STX18: variants seen among roughly 807,000 people sequenced by gnomAD.
The protein encoded by STX18 is syntaxin 18, also known as syntaxin-18.
A neutral mutation model predicts 50.1 loss-of-function variants in STX18; 40 were observed. That is an observed-to-expected ratio of 0.80 (90% CI 0.62 to 1.04). STX18 has a LOEUF of 1.04. Ranked by LOEUF, STX18 falls within the 50% of genes least tolerant of loss-of-function variation. The probability of loss-of-function intolerance (pLI) is 0.00; values close to 1 mark genes in which losing one functional copy is unlikely to be tolerated. For missense variants in STX18, 410 were observed against 415.8 expected, an observed-to-expected ratio of 0.99 and a Z score of 0.12; for synonymous variants, 158 against 151.8, an observed-to-expected ratio of 1.04 and a Z score of -0.30.
chr4:4,508,318 T>G (rs1485060721), intron 1 of STX18, among the ~76,000 whole-genome samples: 1 of 152,178 alleles, frequency 6.6e-6, no homozygotes. Context: ...CCTATCTCTT[T>G]GAACTGTCCC....
At chr4:4,438,086 T>G (rs1286096626) in intron 6 of STX18, among the ~76,000 whole-genome samples, 1 of 152,190 alleles carries the variant, frequency 6.6e-6, no homozygotes, top group African/African-American at 2.4e-5. Flanking sequence ...GAGGCAATGC[T>G]GCCTCTCCTG....
At chr4:4,537,000 G>A (rs1731371554) in intron 1 of STX18, among the ~76,000 whole-genome samples, 1 of 152,164 alleles carries the variant, frequency 6.6e-6, no homozygotes, top group South Asian at 2.1e-4. Flanking sequence ...CCCACTTACT[G>A]GCAGACCTGC....
intron 1 of STX18, among the ~76,000 whole-genome samples, chr4:4,505,082 C>T (rs1729637194): frequency 6.6e-6 from 1 of 152,154 alleles, no homozygotes; most frequent in Non-Finnish European, 1.5e-5. Context: ...TCCCCATTTC[C>T]CCCAACACCC....
chr4:4,423,490 T>C (rs1417628475), intron 9 of STX18, 28 bp downstream of exon 9: 8 of 1,609,014 alleles, frequency 5.0e-6, no homozygotes, highest in South Asian at 3.3e-5. Flanking sequence ...AGTGAAAACA[T>C]ACAGCTCCTT....
intron 1 of STX18, among the ~76,000 whole-genome samples, chr4:4,540,993 C>A (rs543667824): frequency 2.0e-5 from 3 of 152,240 alleles, no homozygotes; most frequent in African/African-American, 7.2e-5. Flanking sequence ...GCTGTAGGCC[C>A]CACAAAACCT....
chr4:4,502,292 C>G (rs552991526), intron 1 of STX18, among the ~76,000 whole-genome samples: 26 of 152,216 alleles, frequency 1.7e-4, no homozygotes, highest in Non-Finnish European at 3.4e-4. Context: ...GTGGAACCTT[C>G]TTATTACCTG....
intron 2 of STX18, among the ~76,000 whole-genome samples, chr4:4,470,628 G>A (rs1727862247): frequency 6.6e-6 from 1 of 152,144 alleles, no homozygotes; most frequent in Admixed American, 6.6e-5. Context: ...ACTAACAGAA[G>A]AGACCTACTT....
intron 7 of STX18, among the ~76,000 whole-genome samples, chr4:4,429,508 C>G (rs1052614199): frequency 6.6e-6 from 1 of 152,156 alleles, no homozygotes; most frequent in Non-Finnish European, 1.5e-5. Flanking sequence ...CTGAGGAGCA[C>G]AGGGGGACCA....
At chr4:4,500,671 T>A (rs915210310) in intron 1 of STX18, among the ~76,000 whole-genome samples, 2 of 152,202 alleles carry the variant, frequency 1.3e-5, no homozygotes, top group African/African-American at 4.8e-5. Flanking sequence ...CTCAACACCA[T>A]GAGTACATGT....
chr4:4,446,642 T>C (rs1408614243), intron 5 of STX18, among the ~76,000 whole-genome samples: 1 of 152,170 alleles, frequency 6.6e-6, no homozygotes, highest in Admixed American at 6.5e-5. Flanking sequence ...CTAGAAAAAA[T>C]GGCCAATGCC....
In STX18 at chr4:4,420,091, G is replaced by A. The variant is rs1478844366; in HGVS notation, c.951C>T (p.Leu317=). The A allele has an allele frequency of 1.2e-6, 2 of 1,613,530 alleles. No individual in the cohort carries two copies. Among genetic ancestry groups the A allele is most frequent in the East Asian group, 2.2e-5 (1 of 44,842 alleles). The change falls in exon 11 of 11, where the codon CTC becomes CTT. Residue 317 remains leucine (L), a synonymous_variant. Transcript: ENST00000306200. The surrounding 1 kb of genome is among the most constrained non-coding windows in gnomAD (Gnocchi z 4.3). ...KNNAGFRVWI[L]FFLVMCSFSL... ...AGAAGGAGCACATCACGAGGAAGAA[G>A]AGGATCCACACGCGGAAGCCAGCGT...
At chr4:4,542,206 C>T (rs189545976), upstream of STX18, 2 of 482,710 alleles carry the variant, frequency 4.1e-6, no homozygotes, top group South Asian at 3.4e-5. Flanking sequence ...ATCGGTTTCT[C>T]CCAGCAAAGC....
chr4:4,540,715 G>A (rs1731546704), intron 1 of STX18, among the ~76,000 whole-genome samples: 1 of 152,142 alleles, frequency 6.6e-6, no homozygotes, highest in Non-Finnish European at 1.5e-5. Flanking sequence ...TTCATAGACG[G>A]TCATCAATAG....
At chr4:4,446,582 A>G (rs1484754333) in intron 5 of STX18, among the ~76,000 whole-genome samples, 3 of 152,268 alleles carry the variant, frequency 2.0e-5, no homozygotes, top group African/African-American at 7.2e-5. Context: ...TCAGTGAGGA[A>G]ATGCAAACTA....
At chr4:4,423,720 G>A in intron 8 of STX18, 133 bp from the exon 9 acceptor site, 2 of 877,808 alleles carry the variant, frequency 2.3e-6, no homozygotes, top group Non-Finnish European at 3.6e-6. Flanking sequence ...GTCGGCTGGG[G>A]GAAGAGGAGA....
At chr4:4,476,481 T>C (rs912519830) in intron 1 of STX18, among the ~76,000 whole-genome samples, 6 of 152,218 alleles carry the variant, frequency 3.9e-5, no homozygotes, top group Non-Finnish European at 7.3e-5. Flanking sequence ...GGAACTAGCA[T>C]GGGCTCCCTC....
At chr4:4,521,136 T>A (rs1272348556) in intron 1 of STX18, among the ~76,000 whole-genome samples, 1 of 152,088 alleles carries the variant, frequency 6.6e-6, no homozygotes, top group Non-Finnish European at 1.5e-5. Flanking sequence ...AATGCAAAAG[T>A]CTGGCAAAAT....
At chr4:4,423,717 G>T in intron 8 of STX18, 130 bp from the exon 9 acceptor site, 1 of 888,160 alleles carries the variant, frequency 1.1e-6, no homozygotes, top group South Asian at 1.5e-5. Context: ...TGTGTCGGCT[G>T]GGGGAAGAGG....
At chr4:4,437,025 T>C (rs983559108) in intron 6 of STX18, among the ~76,000 whole-genome samples, 6 of 147,108 alleles carry the variant, frequency 4.1e-5, no homozygotes, top group Non-Finnish European at 7.4e-5. Flanking sequence ...AATGGCACGA[T>C]CTTGGCTCAC....
Sources: allele counts gnomAD v4.1 joint callset (sites outside exome capture counted in the v4.1 genomes callset), GRCh38; gene constraint gnomAD v4.1.1; non-coding constraint Gnocchi (gnomAD v3.1); transcripts MANE v1.5; gene names NCBI Gene and HGNC (gene_info 2026-07-23, HGNC 2026-07-21).